The following STON1 variants were observed in gnomAD, a reference collection of about 807,000 sequenced individuals.
The protein encoded by STON1 is stonin 1, also known as stonin-1.
Under a neutral mutation model 60.9 loss-of-function variants are expected in STON1, and 79 were observed. That is an observed-to-expected ratio of 1.30 (90% CI 1.08 to 1.56). The LOEUF (loss-of-function observed/expected upper bound fraction) is 1.56, where lower values mean the gene tolerates loss of function less well. Among genes scored for constraint, STON1 ranks in the 40% most tolerant of loss-of-function variants. The probability of loss-of-function intolerance (pLI) is 0.00; values close to 1 mark genes in which losing one functional copy is unlikely to be tolerated. For missense variants in STON1, 1,166 were observed against 858.9 expected (o/e 1.36, Z -4.47); for synonymous variants, 363 against 306.9 (o/e 1.18, Z -1.91).
At chr2:48,561,893 C>G (rs1463370450) in intron 1 of STON1, among the ~76,000 whole-genome samples, 1 of 152,220 alleles carries the variant, frequency 6.6e-6, no homozygotes, top group African/African-American at 2.4e-5. Context: ...CAGAGTCTCA[C>G]TCTGTCACCC....
At chr2:48,592,630 A>ATTATTC (rs1553366149) in intron 3 of STON1, among the ~76,000 whole-genome samples, 2 of 143,028 alleles carry the variant, frequency 1.4e-5, no homozygotes, top group Non-Finnish European at 1.5e-5. Context: ...TATTATTATT[A>ATTATTC]TTCTATTTTT....
rs964929030 is a variant in STON1, at chr2:48,590,156, G to C, written c.1931-1497G>C. ...GTAATGGGGTTTGCAATCTTTCTGGGTGTGTGTGTATGAGAATGAAGTTAT... is the reference window on the plus strand; with the variant it reads ...GTAATGGGGTTTGCAATCTTTCTGGCTGTGTGTGTATGAGAATGAAGTTAT... On this transcript the variant is annotated intron_variant, in intron 2 of 3. Transcript: ENST00000404752. Among the ~76,000 whole-genome samples the C allele has an allele frequency of 2.0e-5, 3 of 151,250 alleles. No individual in the cohort carries two copies. The East Asian group carries it at 5.8e-4, about 29-fold the overall frequency.
At chr2:48,538,241 G>A (rs1671510064) in intron 1 of STON1, among the ~76,000 whole-genome samples, 1 of 152,192 alleles carries the variant, frequency 6.6e-6, no homozygotes, top group South Asian at 2.1e-4. Context: ...ACAGGCATGA[G>A]CCACCGTGCC....
rs1257786370 is a variant in STON1, at chr2:48,597,093, TC to T, written c.*1793del. 3 of 152,304 alleles carry T rather than the reference TC, an allele frequency of 2.0e-5. No homozygotes were observed. The East Asian group carries it at 5.8e-4, about 29-fold the overall frequency. 9.4% of individuals were successfully genotyped at this position (152,304 alleles called of 1,614,324 possible). A position where few individuals can be genotyped will look rare whatever the true frequency, so the allele number is the denominator to read the frequency against. Reference sequence around the variant, plus strand: ...GTCTCGAACTCCTGACCTCAGGTGATCCACCAGCCTCGGCCTCCCAAAGTTC... The same window carrying T: ...GTCTCGAACTCCTGACCTCAGGTGATCACCAGCCTCGGCCTCCCAAAGTTC... On this transcript the variant is annotated 3_prime_UTR_variant, in exon 4 of 4. Transcript: ENST00000404752.
chr2:48,543,728 C>G (rs1671752053), intron 1 of STON1, among the ~76,000 whole-genome samples: 1 of 151,938 alleles, frequency 6.6e-6, no homozygotes, highest in Non-Finnish European at 1.5e-5. Flanking sequence ...GATGGGGTTT[C>G]TCCATGTTGA....
At chr2:48,544,258 A>T (rs1254314936) in intron 1 of STON1, among the ~76,000 whole-genome samples, 1 of 152,154 alleles carries the variant, frequency 6.6e-6, no homozygotes, top group Non-Finnish European at 1.5e-5. Context: ...ACTATCATGA[A>T]AATAAAACGT....
intron 1 of STON1, among the ~76,000 whole-genome samples, chr2:48,550,215 A>C (rs1216469554): frequency 6.6e-6 from 1 of 152,106 alleles, no homozygotes; most frequent in Non-Finnish European, 1.5e-5. Context: ...GCATATTTAT[A>C]TACTGGGCGC....
rs540619184 is a variant in STON1 at position 48,557,638 on chromosome 2, G to C, written c.-47-22949G>C. Reference sequence around the variant, plus strand: ...AGATCACGCCACTGCACTCCAGCCTGGGCACCATTGAGCACTGAGTGAACG... The same window carrying C: ...AGATCACGCCACTGCACTCCAGCCTCGGCACCATTGAGCACTGAGTGAACG... On this transcript the variant is annotated intron_variant, in intron 1 of 3. Transcript: ENST00000404752. 2.6e-5 allele frequency among the ~76,000 whole-genome samples: 2 copies of C among 76,700 alleles called. 1 individual carries two copies. The highest frequency in any genetic ancestry group is 9.2e-4 in the South Asian group (2 of 2,170). The allele number at this position is 76,700 out of a possible 152,430, so 50.3% of individuals were successfully genotyped here. A position where few individuals can be genotyped will look rare whatever the true frequency, so the allele number is the denominator to read the frequency against.
chr2:48,547,713 T>C (rs115204729), intron 1 of STON1, among the ~76,000 whole-genome samples: 2,454 of 152,210 alleles, frequency 0.016, 25 homozygotes, highest in Non-Finnish European at 0.026. Context: ...AAGTGAAAAG[T>C]GTTTAGATTT....
chr2:48,576,858 T>C (rs952135726), intron 1 of STON1, among the ~76,000 whole-genome samples: 9 of 151,668 alleles, frequency 5.9e-5, no homozygotes, highest in Non-Finnish European at 1.0e-4. Context: ...ATTGAGACCA[T>C]CCTGGCTAAC....
intron 1 of STON1, among the ~76,000 whole-genome samples, chr2:48,546,756 G>A (rs1039187093): frequency 6.6e-6 from 1 of 152,198 alleles, no homozygotes; most frequent in Non-Finnish European, 1.5e-5. Context: ...TAGAGATGGG[G>A]TGTCTTGCTA....
intron 1 of STON1, chr2:48,530,843 C>T (rs1401213588): frequency 6.6e-6 from 1 of 152,310 alleles, no homozygotes; most frequent in African/African-American, 2.4e-5. Flanking sequence ...TGACCATTCA[C>T]TGGGTATTGG....
At chr2:48,558,380 C>T (rs938820786) in intron 1 of STON1, among the ~76,000 whole-genome samples, 2 of 152,164 alleles carry the variant, frequency 1.3e-5, no homozygotes, top group African/African-American at 4.8e-5. Flanking sequence ...GCAGTACTTG[C>T]CTGTGTCCAC....
At position 48,581,968 on chromosome 2, in the gene STON1, C is replaced by T. The variant is rs776444490; in HGVS notation, c.1335C>T (p.Leu445=). ...CTGTGATAACTCAAATTTATTGCCT[C>T]TGCTTTGTGAATGGGAACCTGGAAT... The part of the protein sequence containing the change: ...ESAVITQIYC[L]CFVNGNLECF... The change falls in exon 2 of 4, where the codon CTC becomes CTT. Residue 445 remains leucine (L), a synonymous_variant. Coordinates refer to ENST00000404752, the MANE Select transcript of STON1 (RefSeq NM_006873.4). 33 of 1,614,066 alleles carry T rather than the reference C, an allele frequency of 2.0e-5. No individual in the cohort carries two copies. Among genetic ancestry groups the T allele is most frequent in the Non-Finnish European group, 2.7e-5 (32 of 1,180,042 alleles).
intron 1 of STON1, among the ~76,000 whole-genome samples, chr2:48,542,684 C>T (rs1364382626): frequency 6.6e-6 from 1 of 152,112 alleles, no homozygotes; most frequent in Non-Finnish European, 1.5e-5. Flanking sequence ...GTGGGTGGAT[C>T]ACTTGAGGCC....
At chr2:48,559,243 C>G (rs946797782) in intron 1 of STON1, among the ~76,000 whole-genome samples, 3 of 152,046 alleles carry the variant, frequency 2.0e-5, no homozygotes, top group Non-Finnish European at 4.4e-5. Flanking sequence ...TGTCTTACTC[C>G]CTTGAGCTTG....
At chr2:48,572,008 C>A (rs1478938449) in intron 1 of STON1, among the ~76,000 whole-genome samples, 1 of 151,994 alleles carries the variant, frequency 6.6e-6, no homozygotes, top group Admixed American at 6.6e-5. Context: ...ACTAAAAATA[C>A]AAAAATTAGC....
intron 2 of STON1, among the ~76,000 whole-genome samples, chr2:48,591,096 T>C (rs942681190): frequency 7.9e-5 from 12 of 151,808 alleles, no homozygotes; most frequent in African/African-American, 1.7e-4. Flanking sequence ...CTTGAGCACA[T>C]TGTAGCCAAA....
rs537035846 is a variant in STON1, at chr2:48,581,535, T to G, written c.902T>G (p.Val301Gly). ...SRQWGPIFLK[V>G]LPGGILQMYY... The stretch of plus-strand genomic sequence containing the variant: ...CAATGGGGACCAATTTTTCTGAAAG[T>G]TTTGCCTGGAGGAATTTTGCAGATG... The change falls in exon 2 of 4, where the codon GTT (valine) becomes GGT (glycine). Residue 301 changes from valine (V) to glycine (G), a missense_variant. Val to Gly is a moderately radical substitution (Grantham distance 109, BLOSUM62 -3). Transcript: ENST00000404752. 1 of 1,614,168 alleles carries G rather than the reference T, an allele frequency of 6.2e-7. No homozygotes were observed. Among genetic ancestry groups the G allele is most frequent in the African/African-American group, 1.3e-5 (1 of 75,054 alleles).
Sources: gnomAD v4.1 joint callset for allele counts (sites outside exome capture counted in the v4.1 genomes callset) on GRCh38, gnomAD v4.1.1 for gene constraint, MANE v1.5 for transcripts, NCBI Gene and HGNC (gene_info 2026-07-23, HGNC 2026-07-21) for gene names.